The following CLIP3 variants were observed in gnomAD, a reference collection of about 807,000 sequenced individuals.
The protein encoded by CLIP3 is CAP-Gly domain-containing linker protein 3.
CLIP3 carries 15 observed loss-of-function variants against 59.4 expected under a neutral mutation model. The observed-to-expected ratio is 0.25, with a 90% CI of 0.17 to 0.39. The LOEUF is 0.39. Ranked by LOEUF, CLIP3 falls within the 10% of genes least tolerant of loss-of-function variation. CLIP3 has a pLI of 1.00. For missense variants in CLIP3, 495 were observed against 765.7 expected, an observed-to-expected ratio of 0.65 and a Z score of 4.17; for synonymous variants, 300 against 321.6, an observed-to-expected ratio of 0.93 and a Z score of 0.72.
At chr19:36,029,485 A>G (rs1050679556) in intron 2 of CLIP3, among the ~76,000 whole-genome samples, 3 of 149,174 alleles carry the variant, frequency 2.0e-5, no homozygotes, top group Non-Finnish European at 3.0e-5. Context: ...ACGTTTTGCT[A>G]TGTTGCCCAG....
intron 2 of CLIP3, among the ~76,000 whole-genome samples, chr19:36,030,302 C>T (rs1599705397): frequency 6.6e-6 from 1 of 152,132 alleles, no homozygotes; most frequent in Non-Finnish European, 1.5e-5. Flanking sequence ...ATCCTCCCAC[C>T]TTGGCCTCCT....
rs1969044599 is a variant in CLIP3, at chr19:36,024,579, G to A, written c.735C>T (p.Ser245=). 1 of 1,614,220 alleles carries A rather than the reference G, an allele frequency of 6.2e-7. No homozygotes were observed. Among genetic ancestry groups the A allele is most frequent in the African/African-American group, 1.3e-5 (1 of 75,060 alleles). Residue 245 remains serine, a synonymous_variant, in exon 7 of 14, where the codon TCC becomes TCT. Transcript: ENST00000360535. The part of the protein sequence containing the change: ...AEVVPDPMDM[S]LDKAEAALVA... ...CCAGTGCCGCCTCTGCCTTGTCCAG[G>A]GACATGTCCATAGGATCTGGGACCA...
At chr19:36,017,361 C>G (rs1167383103) in intron 12 of CLIP3, 25 bp downstream of exon 12, 21 of 1,611,646 alleles carry the variant, frequency 1.3e-5, no homozygotes, top group Admixed American at 1.7e-5. Flanking sequence ...GTACACTCCT[C>G]CCAACATATC....
rs567041540 is a variant in CLIP3, at chr19:36,020,202, T to C, written c.919-896A>G. On this transcript the variant is annotated intron_variant, in intron 7 of 13. Transcript: ENST00000360535. ...AGGAGTTCAAGGGTGCAGTGAGCTATGATGGTGCCACTGCACTCCAGCCTG... is the reference window on the plus strand; with the variant it reads ...AGGAGTTCAAGGGTGCAGTGAGCTACGATGGTGCCACTGCACTCCAGCCTG... 4.0e-5 allele frequency among the ~76,000 whole-genome samples: 6 copies of C among 150,580 alleles called. No homozygotes were observed. The East Asian group carries it at 6.0e-4, about 15-fold the overall frequency.
At chr19:36,020,615 A>C (rs1259813248) in intron 7 of CLIP3, among the ~76,000 whole-genome samples, 1 of 152,188 alleles carries the variant, frequency 6.6e-6, no homozygotes, top group African/African-American at 2.4e-5. Flanking sequence ...AAATATAAAT[A>C]AATAAAAATA....
chr19:36,026,023 T>C lies in CLIP3; in HGVS notation c.681+124A>G. The C allele has an allele frequency of 1.4e-6, 1 of 690,430 alleles. No individual in the cohort carries two copies. Among genetic ancestry groups the C allele is most frequent in the Non-Finnish European group, 2.6e-6 (1 of 383,318 alleles). The allele number at this position is 690,430 out of a possible 1,614,324, so 42.8% of individuals were successfully genotyped here. ...GGCATATTTCAGCTGTTATTGCATT[T>C]GCTGAATGTACAGACGGCATTTGTA... On this transcript the variant is annotated intron_variant, in intron 6 of 13. Transcript: ENST00000360535. The surrounding 1 kb of genome is among the most constrained non-coding windows in gnomAD (Gnocchi z 6.3).
At chr19:36,020,188 G>A (rs1036810302) in intron 7 of CLIP3, among the ~76,000 whole-genome samples, 1 of 149,746 alleles carries the variant, frequency 6.7e-6, no homozygotes, top group Non-Finnish European at 1.5e-5. Context: ...GGAGTTCAAG[G>A]GTGCAGTGAG....
chr19:36,017,982 T>G lies in CLIP3; in HGVS notation c.1193A>C (p.Lys398Thr). 6.2e-7 allele frequency: 1 copy of G among 1,613,770 alleles called. No homozygotes were observed. Among genetic ancestry groups the G allele is most frequent in the Non-Finnish European group, 8.5e-7 (1 of 1,180,016 alleles). Residue 398 changes from lysine (K) to threonine (T), a missense_variant, in exon 10 of 14, where the codon AAG (lysine) becomes ACG (threonine). By Grantham distance (78) the Lys-to-Thr change is moderately conservative (BLOSUM62 -1). Around this residue, in one of 5 missense-constraint regions of CLIP3, gnomAD observed 179 missense variants for 226.2 expected, o/e 0.79. Coordinates refer to ENST00000360535, the MANE Select transcript of CLIP3 (RefSeq NM_015526.3). ...KGRREHKGKK[K>T]TPSSPSLGSL... Reference sequence around the variant, plus strand: ...GCCCAGAGATGGGGATGATGGGGTCTTCTTCTTGCCTAAGGGTAGAAGGTG... The same window carrying G: ...GCCCAGAGATGGGGATGATGGGGTCGTCTTCTTGCCTAAGGGTAGAAGGTG...
At chr19:36,017,317 T>G in intron 12 of CLIP3, 69 bp downstream of exon 12, 5 of 1,429,466 alleles carry the variant, frequency 3.5e-6, no homozygotes, top group Non-Finnish European at 4.9e-6. Context: ...AGTATATACC[T>G]GAGAACCCAT....
In CLIP3 at chr19:36,016,345, T is replaced by G; in HGVS notation, c.1590-133A>C. On this transcript the variant is annotated intron_variant, in intron 13 of 13. Coordinates refer to ENST00000360535, the MANE Select transcript of CLIP3 (RefSeq NM_015526.3). This position sits in a 1 kb window ranked among gnomAD's most constrained non-coding sequence, Gnocchi z 4.1. ...CTGCCTCTACCTCTCTGGCTGTGGTTTGTTTGTTTGTTTGTTTTCTGAGAT... is the reference window on the plus strand; with the variant it reads ...CTGCCTCTACCTCTCTGGCTGTGGTGTGTTTGTTTGTTTGTTTTCTGAGAT... 1.1e-6 allele frequency: 1 copy of G among 943,472 alleles called. No individual in the cohort carries two copies. The highest frequency in any genetic ancestry group is 1.6e-6 in the Non-Finnish European group (1 of 611,374). The allele number at this position is 943,472 out of a possible 1,614,324, so 58.4% of individuals were successfully genotyped here.
In CLIP3 at chr19:36,027,260, A is replaced by C; in HGVS notation, c.178T>G (p.Phe60Val). Reference protein sequence around the residue: ...PLPKDYAFTFFDPNDPACQEI... With the variant: ...PLPKDYAFTFVDPNDPACQEI... ...TGGCACGCCGGGTCATTGGGATCGA[A>C]GAAGGTGAAAGCTGGGGTGGCAAGA... The change falls in exon 3 of 14, where the codon TTC (phenylalanine) becomes GTC (valine). Residue 60 changes from phenylalanine to valine, a missense_variant. Coordinates refer to ENST00000360535, the MANE Select transcript of CLIP3 (RefSeq NM_015526.3). 6.2e-7 allele frequency: 1 copy of C among 1,603,770 alleles called. No homozygotes were observed. Among genetic ancestry groups the C allele is most frequent in the Non-Finnish European group, 8.5e-7 (1 of 1,175,028 alleles).
At position 36,026,838 on chromosome 19, in the gene CLIP3, T is replaced by C. The variant is rs534269032; in HGVS notation, c.401-91A>G. The C allele has an allele frequency of 1.3e-6, 2 of 1,536,152 alleles. No individual in the cohort carries two copies. The highest frequency in any genetic ancestry group is 2.2e-4 in the Middle Eastern group (1 of 4,482). On this transcript the variant is annotated intron_variant, in intron 4 of 13. Coordinates refer to ENST00000360535, the MANE Select transcript of CLIP3 (RefSeq NM_015526.3). This position sits in a 1 kb window ranked among gnomAD's most constrained non-coding sequence, Gnocchi z 6.3. ...ACCCTGGGCTTCAGGGACTATACTT[T>C]GGGATCCGAAGCTTCGGGTTCCAGA...
At chr19:36,022,591 G>A (rs1968981457) in intron 7 of CLIP3, among the ~76,000 whole-genome samples, 2 of 152,138 alleles carry the variant, frequency 1.3e-5, no homozygotes, top group South Asian at 4.1e-4. Context: ...CTTCTGAATT[G>A]TGCAATGGAT....
chr19:36,017,547 G>T (rs1237504368), intron 11 of CLIP3, 97 bp from the exon 12 acceptor site: 3 of 1,594,384 alleles, frequency 1.9e-6, no homozygotes, highest in Non-Finnish European at 2.6e-6. Flanking sequence ...AGGGCTGGGG[G>T]CTCGGGGGTG....
At chr19:36,029,118 G>A (rs1282587365) in intron 2 of CLIP3, among the ~76,000 whole-genome samples, 1 of 147,516 alleles carries the variant, frequency 6.8e-6, no homozygotes, top group South Asian at 2.1e-4. Context: ...TCAGCAGTTC[G>A]AGACCAGCCT....
chr19:36,016,040 CAG>C lies in CLIP3; in HGVS notation c.*116_*117del. On this transcript the variant is annotated 3_prime_UTR_variant, in exon 14 of 14. Transcript: ENST00000360535. The surrounding 1 kb of genome is among the most constrained non-coding windows in gnomAD (Gnocchi z 4.1). ...GCCTCAATGATCGAGGGCTGGCTAA[CAG>C]GGGTCTCTACTCTGGATGTGTTACT... The C allele has an allele frequency of 1.0e-5, 11 of 1,047,854 alleles. No individual in the cohort carries two copies. Among genetic ancestry groups the C allele is most frequent in the Non-Finnish European group, 1.6e-5 (11 of 684,640 alleles). 64.9% of individuals were successfully genotyped at this position (1,047,854 alleles called of 1,614,324 possible).
chr19:36,019,609 T>TA (rs1158989684), intron 7 of CLIP3, among the ~76,000 whole-genome samples: 6 of 145,250 alleles, frequency 4.1e-5, no homozygotes, highest in African/African-American at 1.6e-4. Flanking sequence ...TTTTATTTAT[T>TA]TTTTTTTTTT....
chr19:36,021,289 CTT>C (rs538550778), intron 7 of CLIP3, among the ~76,000 whole-genome samples: 2 of 143,042 alleles, frequency 1.4e-5, no homozygotes, highest in Non-Finnish European at 1.5e-5. Flanking sequence ...CTGGCGGAAA[CTT>C]TTTTTTTTTT....
chr19:36,021,142 G>T (rs923002530), intron 7 of CLIP3, among the ~76,000 whole-genome samples: 6 of 151,472 alleles, frequency 4.0e-5, no homozygotes, highest in Non-Finnish European at 7.4e-5. Context: ...GCCTCCCAAA[G>T]TGCTGGGATT....
Sources: allele counts gnomAD v4.1 joint callset (sites outside exome capture counted in the v4.1 genomes callset), GRCh38; gene constraint gnomAD v4.1.1; regional missense constraint gnomAD v4.1.1; non-coding constraint Gnocchi (gnomAD v3.1); transcripts MANE v1.5; gene names NCBI Gene and HGNC (gene_info 2026-07-23, HGNC 2026-07-21).